The following LYPD6 variants were observed in gnomAD, a reference collection of about 807,000 sequenced individuals.
The protein encoded by LYPD6 is LY6/PLAUR domain containing 6.
LYPD6 carries 15 observed loss-of-function variants against 22.7 expected under a neutral mutation model. That is an observed-to-expected ratio of 0.66 (90% CI 0.44 to 1.02). LYPD6 has a LOEUF of 1.02. LYPD6 is among the 50% of genes least tolerant of loss of function. The pLI, the probability that LYPD6 is intolerant of heterozygous loss-of-function variation, is 0.00. For missense variants in LYPD6, 189 were observed against 208.4 expected, an observed-to-expected ratio of 0.91 and a Z score of 0.57; for synonymous variants, 72 against 77.5, an observed-to-expected ratio of 0.93 and a Z score of 0.37.
chr2:149,454,245 G>A (rs1383812003), intron 3 of LYPD6, among the ~76,000 whole-genome samples: 2 of 152,198 alleles, frequency 1.3e-5, no homozygotes, highest in African/African-American at 4.8e-5. Flanking sequence ...TGAACATGCT[G>A]TGTTTCCACC....
At position 149,439,153 on chromosome 2, in the gene LYPD6, G is replaced by A. The variant is rs114342347; in HGVS notation, c.118+1327G>A. 5.9e-3 allele frequency among the ~76,000 whole-genome samples: 901 copies of A among 152,238 alleles called. 4 individuals carry two copies. The highest frequency in any genetic ancestry group is 0.021 in the African/African-American group (863 of 41,532). On this transcript the variant is annotated intron_variant, in intron 2 of 4. Transcript: ENST00000334166. ...TTATTATCGTTGGCTTAGTAAACTG[G>A]GGGTGCTGAGAATACAATGCTCCAG...
At chr2:149,462,853 A>C (rs1281564455) in intron 3 of LYPD6, among the ~76,000 whole-genome samples, 1 of 152,082 alleles carries the variant, frequency 6.6e-6, no homozygotes, top group African/African-American at 2.4e-5. Context: ...CACAGGCAAA[A>C]AATGAATCTC....
At chr2:149,462,276 A>G (rs1003131253) in intron 3 of LYPD6, among the ~76,000 whole-genome samples, 8 of 151,986 alleles carry the variant, frequency 5.3e-5, no homozygotes, top group East Asian at 1.9e-4. Context: ...AAAATATCCC[A>G]TTTATATATA....
intron 1 of LYPD6, among the ~76,000 whole-genome samples, chr2:149,356,034 G>T (rs1044628569): frequency 1.3e-5 from 2 of 151,324 alleles, no homozygotes; most frequent in Non-Finnish European, 2.9e-5. Flanking sequence ...CAAAATGCTG[G>T]AAGAACAGGG....
At chr2:149,431,518 G>A (rs1683311526) in intron 1 of LYPD6, among the ~76,000 whole-genome samples, 1 of 152,134 alleles carries the variant, frequency 6.6e-6, no homozygotes, top group Non-Finnish European at 1.5e-5. Flanking sequence ...TCATTTTTCA[G>A]TTCCTAGAAA....
At chr2:149,389,213 G>A (rs1033149237) in intron 1 of LYPD6, among the ~76,000 whole-genome samples, 2 of 151,908 alleles carry the variant, frequency 1.3e-5, no homozygotes, top group African/African-American at 4.8e-5. Context: ...TCTCCCTAAC[G>A]TTTTCCTAGG....
At chr2:149,336,042 A>G (rs1412835312) in intron 1 of LYPD6, among the ~76,000 whole-genome samples, 1 of 152,212 alleles carries the variant, frequency 6.6e-6, no homozygotes, top group South Asian at 2.1e-4. Flanking sequence ...TGCAGGAAAT[A>G]TATTTTAATG....
rs145438230 is a variant in LYPD6 at position 149,389,555 on chromosome 2, C to T, written c.-71-48083C>T. On this transcript the variant is annotated intron_variant, in intron 1 of 4. Transcript: ENST00000334166. The stretch of plus-strand genomic sequence containing the variant: ...CTGAGGGAACATCTGTGGTTGTCTG[C>T]GTCTTAGCTTACAAACTGAATCCAG... Among the ~76,000 whole-genome samples, 6 of 152,246 alleles carry T rather than the reference C, an allele frequency of 3.9e-5. No individual in the cohort carries two copies. In the East Asian group the frequency reaches 5.8e-4, roughly 15 times the overall value.
chr2:149,423,057 T>C (rs1047670579), intron 1 of LYPD6, among the ~76,000 whole-genome samples: 4 of 152,122 alleles, frequency 2.6e-5, no homozygotes, highest in African/African-American at 7.2e-5. Context: ...TAAAATGTAA[T>C]GGATCCTGAG....
intron 3 of LYPD6, among the ~76,000 whole-genome samples, chr2:149,465,325 G>C (rs1681176784): frequency 6.6e-6 from 1 of 152,160 alleles, no homozygotes. Flanking sequence ...GTAGGGCACA[G>C]TTGTTGCAGG....
downstream of LYPD6, among the ~76,000 whole-genome samples, chr2:149,478,950 C>G (rs754885562): frequency 2.0e-5 from 3 of 152,062 alleles, no homozygotes; most frequent in Non-Finnish European, 2.9e-5. Flanking sequence ...CCAGCTACCC[C>G]CTCTCTTTAG....
chr2:149,425,530 A>G (rs1460904862), intron 1 of LYPD6, among the ~76,000 whole-genome samples: 2 of 152,142 alleles, frequency 1.3e-5, no homozygotes, highest in Non-Finnish European at 1.5e-5. Context: ...GAAAGAAATT[A>G]ATTTAGATGC....
intron 1 of LYPD6, among the ~76,000 whole-genome samples, chr2:149,375,183 C>A (rs1681889444): frequency 6.6e-6 from 1 of 152,188 alleles, no homozygotes. Context: ...TGAAGGTAGA[C>A]AAACCAGGAT....
intron 1 of LYPD6, among the ~76,000 whole-genome samples, chr2:149,369,122 C>T (rs1681745668): frequency 1.3e-5 from 2 of 151,946 alleles, no homozygotes; most frequent in Middle Eastern, 3.4e-3. Flanking sequence ...GTGACATCTG[C>T]AGTTAGAGGG....
intron 3 of LYPD6, among the ~76,000 whole-genome samples, chr2:149,458,122 G>A (rs1290399446): frequency 1.3e-5 from 2 of 152,194 alleles, no homozygotes; most frequent in African/African-American, 4.8e-5. Context: ...TGAATGGAAA[G>A]CCTTGACTTC....
intron 1 of LYPD6, among the ~76,000 whole-genome samples, chr2:149,418,448 A>G (rs7571884): frequency 0.19 from 28,197 of 151,034 alleles, 2,640 homozygotes; most frequent in Middle Eastern, 0.22. Context: ...GAGTAATAAT[A>G]AGAAGTTGAA....
At position 149,462,422 on chromosome 2, in the gene LYPD6, T is replaced by G. The variant is rs193244159; in HGVS notation, c.218-6223T>G. Among the ~76,000 whole-genome samples, 144 of 151,894 alleles carry G rather than the reference T, an allele frequency of 9.5e-4. 4 individuals are homozygous for G. The South Asian group carries it at 0.028, about 30-fold the overall frequency. ...GAAACGTCAATGAAAAAAATAAAAT[T>G]TAAATAAATGGAAAGACCGTGTTCA... On this transcript the variant is annotated intron_variant, in intron 3 of 4. Coordinates refer to ENST00000334166, the MANE Select transcript of LYPD6 (RefSeq NM_194317.5).
At position 149,472,343 on chromosome 2, in the gene LYPD6, G is replaced by C. The variant is rs958272122; in HGVS notation, c.*1493G>C. ...TGGTTTCCTCAGTGATGGTGTCCTG[G>C]AATTATTCAGGTGGTGACCATCACT... is the stretch of plus-strand genomic sequence containing the variant. On this transcript the variant is annotated 3_prime_UTR_variant, in exon 5 of 5. Transcript: ENST00000334166. 1.0e-4 allele frequency: 16 copies of C among 152,478 alleles called. No individual in the cohort carries two copies. Among genetic ancestry groups the C allele is most frequent in the African/African-American group, 2.4e-4 (10 of 41,552 alleles). The allele number at this position is 152,478 out of a possible 1,614,324, so 9.4% of individuals were successfully genotyped here. A position where few individuals can be genotyped will look rare whatever the true frequency, so the allele number is the denominator to read the frequency against.
chr2:149,386,876 A>G (rs906163323), intron 1 of LYPD6, among the ~76,000 whole-genome samples: 2 of 152,196 alleles, frequency 1.3e-5, no homozygotes, highest in Non-Finnish European at 2.9e-5. Flanking sequence ...ACATGGAAAG[A>G]GTTTTATCAA....
Sources: allele counts gnomAD v4.1 joint callset (sites outside exome capture counted in the v4.1 genomes callset), GRCh38; gene constraint gnomAD v4.1.1; transcripts MANE v1.5; gene names NCBI Gene and HGNC (gene_info 2026-07-23, HGNC 2026-07-21).